DLC1: variants seen among roughly 807,000 people sequenced by gnomAD.
The protein encoded by DLC1 is rho GTPase-activating protein 7.
DLC1 carries 54 observed loss-of-function variants against 140.3 expected under a neutral mutation model. The ratio of observed to expected loss-of-function variants is 0.38; its 90% CI spans 0.31 to 0.48. DLC1 has a LOEUF of 0.48. Ranked by LOEUF, DLC1 falls within the 20% of genes least tolerant of loss-of-function variation. The pLI is 0.96. For missense variants in DLC1, 2,536 were observed against 1,907.0 expected (o/e 1.33, Z -6.14); for synonymous variants, 986 against 728.1 (o/e 1.35, Z -5.70).
intron 5 of DLC1, among the ~76,000 whole-genome samples, chr8:13,126,365 C>CCA (rs974648895): frequency 1.9e-5 from 2 of 106,530 alleles, no homozygotes; most frequent in African/African-American, 5.3e-5. Context: ...ATCTCTCTAT[C>CCA]CATACACACA....
intron 5 of DLC1, among the ~76,000 whole-genome samples, chr8:13,271,976 C>T (rs1230683758): frequency 6.6e-6 from 1 of 152,310 alleles, no homozygotes; most frequent in East Asian, 1.9e-4. Flanking sequence ...TACCCAGGCT[C>T]TTAAATGTTT....
chr8:13,581,183 C>T (rs906504017), intron 1 of DLC1, among the ~76,000 whole-genome samples: 5 of 152,212 alleles, frequency 3.3e-5, no homozygotes, highest in African/African-American at 9.6e-5. Context: ...TTATGCCTCA[C>T]TTTCAGTGTT....
At chr8:13,384,884 T>G (rs1033209633) in intron 4 of DLC1, among the ~76,000 whole-genome samples, 1 of 152,070 alleles carries the variant, frequency 6.6e-6, no homozygotes, top group African/African-American at 2.4e-5. Flanking sequence ...GGGGATGCTC[T>G]TGGAAATGAA....
chr8:13,362,231 G>A (rs1835259951), intron 4 of DLC1, among the ~76,000 whole-genome samples: 1 of 152,188 alleles, frequency 6.6e-6, no homozygotes, highest in Admixed American at 6.5e-5. Flanking sequence ...TTCATAGGAT[G>A]TGGAAGCTGA....
At chr8:13,365,786 A>T (rs1835452437) in intron 4 of DLC1, among the ~76,000 whole-genome samples, 1 of 152,176 alleles carries the variant, frequency 6.6e-6, no homozygotes, top group Non-Finnish European at 1.5e-5. Flanking sequence ...AATTAAAAAA[A>T]ATCACTCAAC....
chr8:13,109,695 G>GC (rs201813623), intron 7 of DLC1, among the ~76,000 whole-genome samples: 22,348 of 152,010 alleles, frequency 0.15, 4,834 homozygotes, highest in African/African-American at 0.47. Flanking sequence ...GACCATCCTG[G>GC]CAACATGGTG....
chr8:13,582,698 A>ATT (rs78626344), intron 1 of DLC1, among the ~76,000 whole-genome samples: 1 of 150,396 alleles, frequency 6.6e-6, no homozygotes, highest in Non-Finnish European at 1.5e-5. Flanking sequence ...ATATATATAT[A>ATT]TTTTTTCCAT....
chr8:13,482,890 T>C (rs1800799736), intron 2 of DLC1, among the ~76,000 whole-genome samples: 1 of 152,226 alleles, frequency 6.6e-6, no homozygotes, highest in Admixed American at 6.5e-5. Flanking sequence ...TGACGGTCCC[T>C]GTCTTCAAGG....
rs74565514 is a variant in DLC1 at position 13,477,855 on chromosome 8, G to GA, written c.1023+21193dup. Among the ~76,000 whole-genome samples, 1,034 of 147,694 alleles carry GA rather than the reference G, an allele frequency of 7.0e-3. 13 individuals are homozygous for GA. Among genetic ancestry groups the GA allele is most frequent in the African/African-American group, 0.024 (951 of 40,152 alleles). Reference sequence around the variant, plus strand: ...ATCAACCAAGATCACTAAATCGTTAGAAAAAAAAAATCAATAGTAGAGAAA... The same window carrying GA: ...ATCAACCAAGATCACTAAATCGTTAGAAAAAAAAAAATCAATAGTAGAGAAA... On this transcript the variant is annotated intron_variant, in intron 2 of 17. Transcript: ENST00000276297.
At chr8:13,309,954 G>A (rs1406997613) in intron 4 of DLC1, among the ~76,000 whole-genome samples, 1 of 152,050 alleles carries the variant, frequency 6.6e-6, no homozygotes, top group East Asian at 1.9e-4. Context: ...GAAATGAAAT[G>A]AAATATTTCT....
intron 5 of DLC1, among the ~76,000 whole-genome samples, chr8:13,191,073 A>G (rs972822497): frequency 6.6e-6 from 1 of 152,216 alleles, no homozygotes; most frequent in Non-Finnish European, 1.5e-5. Context: ...TCAGCTCCAC[A>G]AGAAAATTCA....
At chr8:13,581,043 A>C (rs1295209064) in intron 1 of DLC1, among the ~76,000 whole-genome samples, 1 of 152,180 alleles carries the variant, frequency 6.6e-6, no homozygotes, top group Non-Finnish European at 1.5e-5. Flanking sequence ...TGAAACCTTA[A>C]AGTTGTCAGT....
rs762378090 is a variant in DLC1, at chr8:13,350,442, G to A, written c.1314+43111C>T. Among the ~76,000 whole-genome samples the A allele has an allele frequency of 4.6e-5, 7 of 152,142 alleles. No individual in the cohort carries two copies. The South Asian group carries it at 1.0e-3, about 22-fold the overall frequency. ...TATAAAGAAAAACACCAGGCCAGGC[G>A]TGGTGGCTCACGTCTGTAATCTCAG... is the stretch of plus-strand genomic sequence containing the variant. On this transcript the variant is annotated intron_variant, in intron 4 of 17. Transcript: ENST00000276297.
At chr8:13,502,951 T>C (rs1309051017) in intron 1 of DLC1, among the ~76,000 whole-genome samples, 1 of 152,220 alleles carries the variant, frequency 6.6e-6, no homozygotes. Flanking sequence ...CACAAGAGAC[T>C]GTATGTACTT....
chr8:13,471,037 C>G (rs1800181981), intron 2 of DLC1, among the ~76,000 whole-genome samples: 1 of 151,936 alleles, frequency 6.6e-6, no homozygotes, highest in African/African-American at 2.4e-5. Flanking sequence ...AAATAAGCCA[C>G]ACACAGACAG....
intron 5 of DLC1, among the ~76,000 whole-genome samples, chr8:13,186,453 T>C (rs1004059144): frequency 2.0e-5 from 3 of 152,210 alleles, no homozygotes; most frequent in African/African-American, 7.2e-5. Context: ...CTATTGAAGC[T>C]TGTGCATGTG....
At chr8:13,539,819 T>A (rs1803425084) in intron 1 of DLC1, among the ~76,000 whole-genome samples, 1 of 151,820 alleles carries the variant, frequency 6.6e-6, no homozygotes. Flanking sequence ...CAATGTTGAG[T>A]CAATTATTTC....
chr8:13,416,205 G>C (rs1241114072), intron 2 of DLC1, among the ~76,000 whole-genome samples: 5 of 151,996 alleles, frequency 3.3e-5, no homozygotes, highest in Non-Finnish European at 7.4e-5. Context: ...TACATCCTAA[G>C]TTTCATGTGT....
intron 6 of DLC1, among the ~76,000 whole-genome samples, chr8:13,113,426 A>G (rs1464254830): frequency 6.6e-6 from 1 of 152,250 alleles, no homozygotes; most frequent in East Asian, 1.9e-4. Flanking sequence ...ACTTGGGAAC[A>G]TGAAGGGACC....
Sources: allele counts gnomAD v4.1 joint callset (sites outside exome capture counted in the v4.1 genomes callset), GRCh38; gene constraint gnomAD v4.1.1; transcripts MANE v1.5; gene names NCBI Gene and HGNC (gene_info 2026-07-23, HGNC 2026-07-21).